The following SCMH1 variants were observed in gnomAD, a reference collection of about 807,000 sequenced individuals.
The protein encoded by SCMH1 is Scm polycomb group protein homolog 1, also known as polycomb protein SCMH1.
A neutral mutation model predicts 70.8 loss-of-function variants in SCMH1; 37 were observed. The observed-to-expected ratio is 0.52, with a 90% CI of 0.40 to 0.69. The LOEUF (loss-of-function observed/expected upper bound fraction) is 0.69, where lower values mean the gene tolerates loss of function less well. Ranked by LOEUF, SCMH1 falls within the 30% of genes least tolerant of loss-of-function variation. The pLI is 0.00. For synonymous variants in SCMH1, 292 were observed against 307.4 expected, an observed-to-expected ratio of 0.95 and a Z score of 0.52; for missense variants, 607 against 827.3, an observed-to-expected ratio of 0.73 and a Z score of 3.27.
intron 4 of SCMH1, 80 bp downstream of exon 4, chr1:41,160,795 G>T: frequency 2.3e-6 from 3 of 1,327,988 alleles, no homozygotes; most frequent in Non-Finnish European, 3.2e-6. Flanking sequence ...TCTTTTCCTC[G>T]TTGGTTAAAA....
chr1:41,129,207 A>C (rs1385474070), intron 6 of SCMH1, among the ~76,000 whole-genome samples: 1 of 152,118 alleles, frequency 6.6e-6, no homozygotes, highest in Non-Finnish European at 1.5e-5. Flanking sequence ...GGTAAAATAT[A>C]TATCAAATTT....
At chr1:41,206,631 CAGG>C (rs1326465128) in intron 1 of SCMH1, among the ~76,000 whole-genome samples, 1 of 152,152 alleles carries the variant, frequency 6.6e-6, no homozygotes, top group African/African-American at 2.4e-5. Context: ...GGATATTATC[CAGG>C]AGAACTTCTC....
intron 10 of SCMH1, among the ~76,000 whole-genome samples, chr1:41,049,096 C>G (rs1483442555): frequency 1.3e-5 from 2 of 152,214 alleles, no homozygotes; most frequent in Non-Finnish European, 1.5e-5. Flanking sequence ...ACTGCATGAT[C>G]AAAGTCTGTG....
intron 1 of SCMH1, among the ~76,000 whole-genome samples, chr1:41,205,373 G>T (rs1557820036): frequency 6.6e-6 from 1 of 152,166 alleles, no homozygotes; most frequent in Non-Finnish European, 1.5e-5. Context: ...TTAGCAACTG[G>T]CAGACCAGGA....
intron 2 of SCMH1, among the ~76,000 whole-genome samples, chr1:41,184,227 C>T (rs570570985): frequency 1.3e-5 from 2 of 152,172 alleles, no homozygotes; most frequent in Non-Finnish European, 2.9e-5. Context: ...CTTACCATTA[C>T]TATATATACC....
At chr1:41,052,975 T>C (rs1260278155) in intron 10 of SCMH1, among the ~76,000 whole-genome samples, 1 of 148,690 alleles carries the variant, frequency 6.7e-6, no homozygotes, top group Non-Finnish European at 1.5e-5. Context: ...TGGAGTGCAG[T>C]GGTGCGGTCT....
chr1:41,134,627 G>C (rs951246083), intron 6 of SCMH1, among the ~76,000 whole-genome samples: 1 of 152,136 alleles, frequency 6.6e-6, no homozygotes, highest in East Asian at 1.9e-4. Context: ...AGTGTCTATT[G>C]AAGAGCAGAA....
At chr1:41,161,469 A>C in intron 2 of SCMH1, 37 bp from the exon 3 acceptor site, 16 of 1,528,328 alleles carry the variant, frequency 1.0e-5, no homozygotes, top group Non-Finnish European at 1.4e-5. Flanking sequence ...GTGGAAAGAA[A>C]GTATAAGATT....
rs372784985 is a variant in SCMH1, at chr1:41,113,266, C to T, written c.745+17G>A. ...CATCTGGGTCCTGATTTCAAGAGCA[C>T]GTAGATGGGCCTTTACCTTTGGTGC... On this transcript the variant is annotated intron_variant, in intron 8 of 14. Transcript: ENST00000337495. This position sits in a 1 kb window ranked among gnomAD's most constrained non-coding sequence, Gnocchi z 4.3. 30 of 1,609,416 alleles carry T rather than the reference C, an allele frequency of 1.9e-5. No homozygotes were observed. Among genetic ancestry groups the T allele is most frequent in the African/African-American group, 2.7e-5 (2 of 74,604 alleles).
chr1:41,107,780 A>C (rs1431329160), intron 8 of SCMH1, among the ~76,000 whole-genome samples: 1 of 152,164 alleles, frequency 6.6e-6, no homozygotes, highest in Non-Finnish European at 1.5e-5. Context: ...GGCCTCCCAA[A>C]GTGCTGGGAT....
At chr1:41,036,946 A>G (rs962708462) in intron 13 of SCMH1, among the ~76,000 whole-genome samples, 2 of 152,108 alleles carry the variant, frequency 1.3e-5, no homozygotes, top group Non-Finnish European at 2.9e-5. Flanking sequence ...TGTAATTTTC[A>G]TATTACCCAA....
chr1:41,037,101 T>C (rs533825605), intron 13 of SCMH1, among the ~76,000 whole-genome samples: 1 of 150,982 alleles, frequency 6.6e-6, no homozygotes, highest in African/African-American at 2.5e-5. Context: ...AAATAGTTAA[T>C]GGATGAATGA....
At chr1:41,125,677 G>T (rs1007227528) in intron 6 of SCMH1, among the ~76,000 whole-genome samples, 1 of 151,812 alleles carries the variant, frequency 6.6e-6, no homozygotes, top group African/African-American at 2.4e-5. Context: ...GACTCAAGGG[G>T]ATACTCCCAC....
chr1:41,170,309 T>A (rs1646703750), intron 2 of SCMH1, among the ~76,000 whole-genome samples: 1 of 152,214 alleles, frequency 6.6e-6, no homozygotes, highest in African/African-American at 2.4e-5. Flanking sequence ...AGTTGGATGC[T>A]GGGGCTTCCC....
intron 13 of SCMH1, among the ~76,000 whole-genome samples, chr1:41,030,223 AAAAC>A (rs1377638714): frequency 6.6e-6 from 1 of 152,094 alleles, no homozygotes; most frequent in East Asian, 1.9e-4. Context: ...AAAAAAAACA[AAAAC>A]AAAAACAAAA....
intron 1 of SCMH1, among the ~76,000 whole-genome samples, chr1:41,190,055 C>T (rs547836121): frequency 2.6e-5 from 4 of 152,270 alleles, no homozygotes; most frequent in South Asian, 4.1e-4. Context: ...ATCATTATTC[C>T]AGTCAATATT....
At chr1:41,155,535 T>C (rs566883943) in intron 4 of SCMH1, among the ~76,000 whole-genome samples, 12 of 149,818 alleles carry the variant, frequency 8.0e-5, no homozygotes, top group African/African-American at 2.8e-4. Context: ...AACAAACAAA[T>C]ACGTCAGCTG....
chr1:41,188,803 A>T (rs1172118293), intron 1 of SCMH1, among the ~76,000 whole-genome samples: 26 of 152,286 alleles, frequency 1.7e-4, no homozygotes. Flanking sequence ...CAAATTATTA[A>T]TATATAATTA....
chr1:41,209,256 G>C (rs1450714209), intron 1 of SCMH1, among the ~76,000 whole-genome samples: 1 of 152,172 alleles, frequency 6.6e-6, no homozygotes. Flanking sequence ...TCCAGGACTA[G>C]ATGGATTCAC....
Sources: gnomAD v4.1 joint callset for allele counts (sites outside exome capture counted in the v4.1 genomes callset) on GRCh38, gnomAD v4.1.1 for gene constraint, Gnocchi (gnomAD v3.1) non-coding constraint, MANE v1.5 for transcripts, NCBI Gene and HGNC (gene_info 2026-07-23, HGNC 2026-07-21) for gene names.